WSCD1: variants seen among roughly 807,000 people sequenced by gnomAD.
The protein encoded by WSCD1 is WSC domain sialate O sulfotransferase 1.
In WSCD1, 41 loss-of-function variants were observed where a neutral mutation model predicts 60.4. The observed-to-expected ratio is 0.68, with a 90% CI of 0.53 to 0.88. The LOEUF (loss-of-function observed/expected upper bound fraction) is 0.88, where lower values mean the gene tolerates loss of function less well. Among genes scored for constraint, WSCD1 ranks in the 40% least tolerant of loss-of-function variants. The pLI is 0.00. For missense variants in WSCD1, 784 were observed against 796.2 expected, an observed-to-expected ratio of 0.98 and a Z score of 0.18; for synonymous variants, 361 against 332.5, an observed-to-expected ratio of 1.09 and a Z score of -0.93.
At chr17:6,070,040 C>T (rs1229256912), upstream of WSCD1, among the ~76,000 whole-genome samples, 2 of 151,678 alleles carry the variant, frequency 1.3e-5, no homozygotes, top group South Asian at 2.1e-4. Flanking sequence ...GGCGTGCTCT[C>T]CTCTGCGCGG....
intron 1 of WSCD1, among the ~76,000 whole-genome samples, chr17:6,072,625 T>C (rs985794012): frequency 1.3e-5 from 2 of 152,188 alleles, no homozygotes; most frequent in African/African-American, 4.8e-5. Context: ...GGCCTTAAAA[T>C]GCAGGTGATA....
At chr17:6,109,568 T>C in intron 5 of WSCD1, 39 bp from the exon 6 acceptor site, 2 of 1,600,982 alleles carry the variant, frequency 1.2e-6, no homozygotes, top group African/African-American at 1.3e-5. Flanking sequence ...GACCCTCAAA[T>C]TCACTCAGTG....
At chr17:6,108,608 T>C (rs1911236614) in intron 5 of WSCD1, among the ~76,000 whole-genome samples, 3 of 152,304 alleles carry the variant, frequency 2.0e-5, no homozygotes, top group South Asian at 4.1e-4. Context: ...CCAGGCCCGG[T>C]GCTGGGCACT....
intron 7 of WSCD1, among the ~76,000 whole-genome samples, chr17:6,117,560 A>T (rs1904362985): frequency 6.6e-6 from 1 of 152,250 alleles, no homozygotes; most frequent in African/African-American, 2.4e-5. Context: ...GGCAAGTCCC[A>T]TGCTCACTCT....
intron 4 of WSCD1, among the ~76,000 whole-genome samples, chr17:6,091,395 T>C (rs921728521): frequency 6.6e-6 from 1 of 152,190 alleles, no homozygotes; most frequent in Non-Finnish European, 1.5e-5. Context: ...AGATAGGCTG[T>C]GTGGCCGTGG....
rs2150544973 is a variant in WSCD1 at position 6,090,398 on chromosome 17, T to C, written c.620T>C (p.Leu207Pro). The C allele has an allele frequency of 3.7e-6, 6 of 1,611,400 alleles. No individual in the cohort carries two copies. Among genetic ancestry groups the C allele is most frequent in the East Asian group, 2.2e-5 (1 of 44,648 alleles). Residue 207 changes from leucine (L) to proline (P), a missense_variant, in exon 4 of 9, where the codon CTG (leucine) becomes CCG (proline). By Grantham distance (98) the Leu-to-Pro change is moderately conservative. Coordinates refer to ENST00000317744, the MANE Select transcript of WSCD1 (RefSeq NM_015253.2). ...GNRLPAVSVG[L>P]EECNHECKGE... Reference sequence around the variant, plus strand: ...CGGCTGCCAGCGGTGAGCGTGGGGCTGGAAGAGTGTAACCATGAGTGCAAA... The same window carrying C: ...CGGCTGCCAGCGGTGAGCGTGGGGCCGGAAGAGTGTAACCATGAGTGCAAA...
Position 6,080,807 on chromosome 17 carries a change from G to C in WSCD1, c.149G>C (p.Gly50Ala). ...VALPQGPRAP[G>A]PLQTLPVAAV... ...CTCCCACAGGGCCCCCGGGCACCCGGCCCCCTGCAGACCTTGCCAGTGGCC... is the reference window on the plus strand; with the variant it reads ...CTCCCACAGGGCCCCCGGGCACCCGCCCCCCTGCAGACCTTGCCAGTGGCC... The change falls in exon 2 of 9, where the codon GGC becomes GCC. Residue 50 changes from glycine (G) to alanine (A), a missense_variant. Coordinates refer to ENST00000317744, the MANE Select transcript of WSCD1 (RefSeq NM_015253.2). This position sits in a 1 kb window ranked among gnomAD's most constrained non-coding sequence, Gnocchi z 6.6. 1 of 1,609,106 alleles carries C rather than the reference G, an allele frequency of 6.2e-7. No homozygotes were observed. Among genetic ancestry groups the C allele is most frequent in the African/African-American group, 1.3e-5 (1 of 75,014 alleles).
intron 1 of WSCD1, among the ~76,000 whole-genome samples, chr17:6,077,232 G>T (rs573759778): frequency 6.6e-6 from 1 of 152,126 alleles, no homozygotes; most frequent in Admixed American, 6.5e-5. Flanking sequence ...GGGATTACAG[G>T]TGCATGCCAC....
intron 4 of WSCD1, among the ~76,000 whole-genome samples, chr17:6,094,866 T>C (rs943361173): frequency 2.7e-5 from 4 of 146,876 alleles, no homozygotes; most frequent in African/African-American, 1.0e-4. Context: ...GCGCTGCAGT[T>C]TCAGCCAAGT....
chr17:6,114,673 TTTA>T (rs1466185858), intron 7 of WSCD1, among the ~76,000 whole-genome samples: 3 of 152,028 alleles, frequency 2.0e-5, no homozygotes, highest in East Asian at 3.9e-4. Context: ...TATATTTATA[TTTA>T]TTATTATTTT....
At position 6,090,308 on chromosome 17, in the gene WSCD1, C is replaced by T. The variant is rs1481781920; in HGVS notation, c.543-13C>T. 10 of 1,568,802 alleles carry T rather than the reference C, an allele frequency of 6.4e-6. No homozygotes were observed. The highest frequency in any genetic ancestry group is 8.6e-6 in the Non-Finnish European group (10 of 1,160,354). ...GGCCAAGGTCCGGACTCACCCAGGC[C>T]TCCTCCCTGCAGGTCCTATGTCTAC... On this transcript the variant is annotated splice_polypyrimidine_tract_variant and intron_variant, in intron 3 of 8. Coordinates refer to ENST00000317744, the MANE Select transcript of WSCD1 (RefSeq NM_015253.2).
Position 6,098,602 on chromosome 17 carries a change from A to G in WSCD1, c.849+3379A>G, listed in dbSNP as rs1910601117. On this transcript the variant is annotated intron_variant, in intron 5 of 8. Transcript: ENST00000317744. ...AGCCTCTGTCCTCAGCACTCACAACACTGGAGCCAGTGCTGACACCTGATC... is the reference window on the plus strand; with the variant it reads ...AGCCTCTGTCCTCAGCACTCACAACGCTGGAGCCAGTGCTGACACCTGATC... Among the ~76,000 whole-genome samples the G allele has an allele frequency of 1.3e-5, 2 of 152,208 alleles. 1 individual carries two copies. The highest frequency in any genetic ancestry group is 4.1e-4 in the South Asian group (2 of 4,834).
At chr17:6,089,245 T>G (rs554747471) in intron 3 of WSCD1, among the ~76,000 whole-genome samples, 21 of 152,312 alleles carry the variant, frequency 1.4e-4, no homozygotes, top group African/African-American at 5.1e-4. Context: ...TGATACATTC[T>G]CTTTTTAGTC....
chr17:6,079,058 C>A lies in WSCD1; in HGVS notation c.-288-1313C>A, dbSNP rs552399095. Among the ~76,000 whole-genome samples the A allele has an allele frequency of 7.2e-5, 11 of 152,240 alleles. No individual in the cohort carries two copies. In the South Asian group the frequency reaches 1.2e-3, roughly 17 times the overall value. On this transcript the variant is annotated intron_variant, in intron 1 of 8. Coordinates refer to ENST00000317744, the MANE Select transcript of WSCD1 (RefSeq NM_015253.2). Reference sequence around the variant, plus strand: ...CTAAAGGACCAGCCGACCCAGATTTCCAGATCTCTGCTCTCCCCGAGGGCC... The same window carrying A: ...CTAAAGGACCAGCCGACCCAGATTTACAGATCTCTGCTCTCCCCGAGGGCC...
chr17:6,101,752 C>G lies in WSCD1; in HGVS notation c.849+6529C>G, dbSNP rs1178679308. Among the ~76,000 whole-genome samples, 1 of 152,164 alleles carries G rather than the reference C, an allele frequency of 6.6e-6. No homozygotes were observed. The highest frequency in any genetic ancestry group is 1.5e-5 in the Non-Finnish European group (1 of 68,044). On this transcript the variant is annotated intron_variant, in intron 5 of 8. Transcript: ENST00000317744. This position sits in a 1 kb window ranked among gnomAD's most constrained non-coding sequence, Gnocchi z 4.1. ...GCTCATTCTCAGTCCCCTTCAGGAT[C>G]CTATCGGCTCCTTTGTTTCAACGCA...
intron 5 of WSCD1, among the ~76,000 whole-genome samples, chr17:6,103,690 C>T (rs1014021455): frequency 3.3e-5 from 5 of 152,156 alleles, no homozygotes; most frequent in South Asian, 2.1e-4. Context: ...TGTGCTACAG[C>T]GCACGGAGAA....
intron 5 of WSCD1, among the ~76,000 whole-genome samples, chr17:6,103,172 A>C (rs531947464): frequency 6.6e-6 from 1 of 152,310 alleles, no homozygotes; most frequent in African/African-American, 2.4e-5. Flanking sequence ...TGGAGATGAA[A>C]GTGCCTCACC....
At chr17:6,117,431 G>A (rs1330320093) in intron 7 of WSCD1, among the ~76,000 whole-genome samples, 4 of 152,234 alleles carry the variant, frequency 2.6e-5, no homozygotes, top group African/African-American at 9.6e-5. Context: ...CATTGAATCT[G>A]TAAATCAGGA....
Position 6,115,597 on chromosome 17 carries a change from C to CT in WSCD1, c.1175-2382dup, listed in dbSNP as rs966178998. 3.6e-3 allele frequency among the ~76,000 whole-genome samples: 535 copies of CT among 150,566 alleles called. 1 individual carries two copies. Among genetic ancestry groups the CT allele is most frequent in the Middle Eastern group, 0.01 (3 of 294 alleles). ...TTCCTTTTTTCTTTTCTTTTCTTTT[C>CT]TTTTTTTTTGAGATAGAGTCTCACT... is the stretch of plus-strand genomic sequence containing the variant. On this transcript the variant is annotated intron_variant, in intron 7 of 8. Coordinates refer to ENST00000317744, the MANE Select transcript of WSCD1 (RefSeq NM_015253.2).
Sources: allele counts gnomAD v4.1 joint callset (sites outside exome capture counted in the v4.1 genomes callset), GRCh38; gene constraint gnomAD v4.1.1; non-coding constraint Gnocchi (gnomAD v3.1); transcripts MANE v1.5; gene names NCBI Gene and HGNC (gene_info 2026-07-23, HGNC 2026-07-21).